PRKN: variants seen among roughly 807,000 people sequenced by gnomAD.
PRKN encodes the protein E3 ubiquitin-protein ligase parkin.
In PRKN, 56 loss-of-function variants were observed where a neutral mutation model predicts 59.5. That is an observed-to-expected ratio of 0.94 (90% CI 0.76 to 1.18). The LOEUF (loss-of-function observed/expected upper bound fraction) is 1.18, where lower values mean the gene tolerates loss of function less well. Ranked by LOEUF, PRKN falls within the 50% of genes most tolerant of loss-of-function variation. The pLI is 0.00. For synonymous variants in PRKN, 250 were observed against 222.1 expected (o/e 1.13, Z -1.12); for missense variants, 657 against 596.4 (o/e 1.10, Z -1.06).
In PRKN at chr6:161,361,562, A is replaced by AT. The variant is rs1477072150; in HGVS notation, c.1168-1358dup. 6.6e-5 allele frequency among the ~76,000 whole-genome samples: 10 copies of AT among 152,206 alleles called. No homozygotes were observed. The highest frequency in any genetic ancestry group is 1.3e-4 in the Non-Finnish European group (9 of 68,040). ...TTTCAGGGGTTACCAAACATCCAAA[A>AT]TAGGACCCCGTGAAATGGGCAGGGC... On this transcript the variant is annotated intron_variant, in intron 10 of 11. Transcript: ENST00000366898. This position sits in a 1 kb window ranked among gnomAD's most constrained non-coding sequence, Gnocchi z 5.2.
intron 1 of PRKN, among the ~76,000 whole-genome samples, chr6:162,636,882 C>T (rs998648838): frequency 1.6e-4 from 24 of 152,018 alleles, no homozygotes; most frequent in Non-Finnish European, 3.1e-4. Flanking sequence ...GCTGCTTGAG[C>T]CCAGGAGCTC....
intron 3 of PRKN, among the ~76,000 whole-genome samples, chr6:162,211,601 G>A (rs898505608): frequency 7.2e-5 from 11 of 152,110 alleles, no homozygotes; most frequent in African/African-American, 2.4e-4. Context: ...TTAATTAAGA[G>A]AGTAGAGCAA....
rs1785863923 is a variant in PRKN at position 161,379,204 on chromosome 6, G to A, written c.1167+7590C>T. Among the ~76,000 whole-genome samples the A allele has an allele frequency of 6.6e-6, 1 of 152,146 alleles. No individual in the cohort carries two copies. The highest frequency in any genetic ancestry group is 6.6e-5 in the Admixed American group (1 of 15,266). On this transcript the variant is annotated intron_variant, in intron 10 of 11. Transcript: ENST00000366898. The surrounding 1 kb of genome is among the most constrained non-coding windows in gnomAD (Gnocchi z 4.9). ...CCCAATGTTGATAGCAAATCATTCA[G>A]TAGTCATGGCTTTAGAATGGCACCC...
chr6:161,467,069 A>G lies in PRKN; in HGVS notation c.1084-80192T>C, dbSNP rs923171359. Reference sequence around the variant, plus strand: ...ACCAGGATTGTTTGCCACTGATTTCATTTTCTTCTCACTGTTGCCTCTGGA... The same window carrying G: ...ACCAGGATTGTTTGCCACTGATTTCGTTTTCTTCTCACTGTTGCCTCTGGA... On this transcript the variant is annotated intron_variant, in intron 9 of 11. Transcript: ENST00000366898. The surrounding 1 kb of genome is among the most constrained non-coding windows in gnomAD (Gnocchi z 4.3). Among the ~76,000 whole-genome samples the G allele has an allele frequency of 2.6e-5, 4 of 152,032 alleles. No individual in the cohort carries two copies. The highest frequency in any genetic ancestry group is 4.8e-5 in the African/African-American group (2 of 41,398).
At chr6:162,500,696 T>C (rs570807201) in intron 1 of PRKN, among the ~76,000 whole-genome samples, 36 of 152,322 alleles carry the variant, frequency 2.4e-4, no homozygotes, top group African/African-American at 6.5e-4. Context: ...ACAAATAGAT[T>C]GGCTGGTGAA....
At chr6:162,718,990 G>C (rs1215963135) in intron 1 of PRKN, among the ~76,000 whole-genome samples, 3 of 152,052 alleles carry the variant, frequency 2.0e-5, no homozygotes, top group Non-Finnish European at 2.9e-5. Context: ...ATGAATAATG[G>C]AGAAAACTCT....
chr6:161,811,293 G>T (rs1356478594), intron 6 of PRKN, among the ~76,000 whole-genome samples: 1 of 151,938 alleles, frequency 6.6e-6, no homozygotes, highest in African/African-American at 2.4e-5. Context: ...TTGTCCTTTA[G>T]TTTCTCAAAA....
intron 9 of PRKN, among the ~76,000 whole-genome samples, chr6:161,411,561 G>C (rs1341488759): frequency 6.6e-6 from 1 of 152,166 alleles, no homozygotes; most frequent in African/African-American, 2.4e-5. Flanking sequence ...ATGCCTAAGA[G>C]ACCAACACAG....
At chr6:161,726,463 T>C (rs1226825015) in intron 7 of PRKN, among the ~76,000 whole-genome samples, 2 of 152,236 alleles carry the variant, frequency 1.3e-5, no homozygotes, top group African/African-American at 2.4e-5. Context: ...AGTGTGGGTT[T>C]CCCTTTCATT....
chr6:162,312,803 G>T (rs1441294583), intron 2 of PRKN, among the ~76,000 whole-genome samples: 1 of 152,094 alleles, frequency 6.6e-6, no homozygotes, highest in Non-Finnish European at 1.5e-5. Context: ...AATTTCAGAA[G>T]ATTCAAGGAT....
At chr6:161,864,010 G>C (rs1794010772) in intron 6 of PRKN, among the ~76,000 whole-genome samples, 1 of 152,152 alleles carries the variant, frequency 6.6e-6, no homozygotes, top group South Asian at 2.1e-4. Flanking sequence ...TTTGCTGGTA[G>C]AGGGTCTTGC....
chr6:162,505,940 G>A (rs1426658667), intron 1 of PRKN, among the ~76,000 whole-genome samples: 1 of 152,162 alleles, frequency 6.6e-6, no homozygotes, highest in Non-Finnish European at 1.5e-5. Context: ...AAGGGAAGGT[G>A]TAAGGCAGGA....
At chr6:162,565,697 AATACATACATACATACATACATAC>A (rs55883841) in intron 1 of PRKN, among the ~76,000 whole-genome samples, 201 of 148,788 alleles carry the variant, frequency 1.4e-3, no homozygotes, top group South Asian at 0.011. Flanking sequence ...TCTCAAAATA[AATACATACATACATACATACATAC>A]ATACATACAT....
intron 5 of PRKN, among the ~76,000 whole-genome samples, chr6:162,048,847 T>C (rs930099855): frequency 1.3e-5 from 2 of 152,078 alleles, no homozygotes; most frequent in Non-Finnish European, 2.9e-5. Context: ...ATAGGTAAAT[T>C]ATAAAATGAA....
intron 9 of PRKN, among the ~76,000 whole-genome samples, chr6:161,491,285 C>T (rs1256727555): frequency 2.0e-5 from 3 of 152,152 alleles, no homozygotes; most frequent in East Asian, 1.9e-4. Flanking sequence ...GAAGAAGGAT[C>T]GTACTCATTC....
chr6:162,279,995 C>G (rs1780814024), intron 2 of PRKN, among the ~76,000 whole-genome samples: 1 of 151,964 alleles, frequency 6.6e-6, no homozygotes, highest in African/African-American at 2.4e-5. Flanking sequence ...ATCGCAAACT[C>G]TCCTTTTTTT....
intron 1 of PRKN, among the ~76,000 whole-genome samples, chr6:162,445,236 T>C (rs922290057): frequency 1.4e-4 from 21 of 152,184 alleles, no homozygotes; most frequent in African/African-American, 5.1e-4. Flanking sequence ...ATTATTATCC[T>C]TATTTTACAG....
intron 4 of PRKN, among the ~76,000 whole-genome samples, chr6:162,109,178 T>C (rs756423710): frequency 2.6e-5 from 4 of 152,186 alleles, no homozygotes; most frequent in African/African-American, 9.7e-5. Flanking sequence ...GGGTGTGTCA[T>C]ATGGAAAGCT....
intron 7 of PRKN, among the ~76,000 whole-genome samples, chr6:161,599,304 A>C (rs1011395319): frequency 6.6e-6 from 1 of 152,214 alleles, no homozygotes; most frequent in Admixed American, 6.5e-5. Context: ...TGCTAGTGCA[A>C]TGTTGATTTC....
Sources: gnomAD v4.1 joint callset for allele counts (sites outside exome capture counted in the v4.1 genomes callset) on GRCh38, gnomAD v4.1.1 for gene constraint, Gnocchi (gnomAD v3.1) non-coding constraint, MANE v1.5 for transcripts, NCBI Gene and HGNC (gene_info 2026-07-23, HGNC 2026-07-21) for gene names.